Variants in DTNB observed in about 807,000 individuals in gnomAD.
The protein encoded by DTNB is DTN-B.
DTNB carries 63 observed loss-of-function variants against 90.7 expected under a neutral mutation model. That is an observed-to-expected ratio of 0.69 (90% CI 0.57 to 0.86). DTNB has a LOEUF of 0.86. DTNB is among the 40% of genes least tolerant of loss of function. DTNB has a pLI of 0.00. For missense variants in DTNB, 744 were observed against 807.1 expected, an observed-to-expected ratio of 0.92 and a Z score of 0.95; for synonymous variants, 277 against 286.7, an observed-to-expected ratio of 0.97 and a Z score of 0.34.
chr2:25,378,586 AGGAGG>A (rs2036565213), intron 20 of DTNB, among the ~76,000 whole-genome samples: 1 of 140,442 alleles, frequency 7.1e-6, no homozygotes, highest in Non-Finnish European at 1.5e-5. Context: ...GGGGGGTGGG[AGGAGG>A]GGAGGGAAGA....
chr2:25,585,435 GTT>G (rs2062209472), intron 6 of DTNB, among the ~76,000 whole-genome samples: 1 of 152,000 alleles, frequency 6.6e-6, no homozygotes, highest in African/African-American at 2.4e-5. Context: ...AGAAACAAGC[GTT>G]TGTTTGTTGC....
At chr2:25,406,636 TACA>T (rs1438434363) in intron 16 of DTNB, among the ~76,000 whole-genome samples, 3 of 151,898 alleles carry the variant, frequency 2.0e-5, no homozygotes, top group Middle Eastern at 3.4e-3. Flanking sequence ...CTATAACACA[TACA>T]ACAACTACTT....
intron 8 of DTNB, among the ~76,000 whole-genome samples, chr2:25,573,987 C>T (rs1043027260): frequency 2.0e-5 from 3 of 152,166 alleles, no homozygotes; most frequent in Admixed American, 2.0e-4. Context: ...GACGTTCTTT[C>T]CACCAAGATA....
At chr2:25,379,346 A>C (rs754471327) in intron 19 of DTNB, 23 bp from the exon 20 acceptor site, 1 of 1,313,642 alleles carries the variant, frequency 7.6e-7, no homozygotes, top group Admixed American at 3.1e-5. Context: ...GGGCAGAAAC[A>C]ACACACTGAG....
At chr2:25,414,674 C>G (rs966350270) in intron 16 of DTNB, among the ~76,000 whole-genome samples, 1 of 152,086 alleles carries the variant, frequency 6.6e-6, no homozygotes, top group African/African-American at 2.4e-5. Context: ...ATAATTAATA[C>G]AATTATTAAT....
chr2:25,519,991 C>T lies in DTNB; in HGVS notation c.1001+11482G>A, dbSNP rs149945150. ...TACTGTGGAAGACAGTGTTTCAACC[C>T]AGACTAACTTATCAATATTATGAAT... is the stretch of plus-strand genomic sequence containing the variant. On this transcript the variant is annotated intron_variant, in intron 9 of 20. Coordinates refer to ENST00000406818, the MANE Select transcript of DTNB (RefSeq NM_021907.5). 4.3e-3 allele frequency among the ~76,000 whole-genome samples: 651 copies of T among 152,222 alleles called. 4 individuals are homozygous for T. Among genetic ancestry groups the T allele is most frequent in the African/African-American group, 0.015 (612 of 41,524 alleles).
rs763841333 is a variant in DTNB, at chr2:25,477,529, T to C, written c.1079+5267A>G. Among the ~76,000 whole-genome samples, 13 of 152,350 alleles carry C rather than the reference T, an allele frequency of 8.5e-5. No homozygotes were observed. The East Asian group carries it at 1.9e-3, about 23-fold the overall frequency. On this transcript the variant is annotated intron_variant, in intron 10 of 20. Transcript: ENST00000406818. ...TAGCAATTAGGACTACTCAGGATTATAGGCTCTAATATTTACCATTTCCCA... is the reference window on the plus strand; with the variant it reads ...TAGCAATTAGGACTACTCAGGATTACAGGCTCTAATATTTACCATTTCCCA...
chr2:25,603,189 G>A (rs1227483928), intron 5 of DTNB, among the ~76,000 whole-genome samples: 2 of 152,032 alleles, frequency 1.3e-5, no homozygotes, highest in East Asian at 1.9e-4. Context: ...AAATTTCTTC[G>A]AAAACAAATA....
intron 3 of DTNB, among the ~76,000 whole-genome samples, chr2:25,634,350 C>G (rs1329636865): frequency 1.7e-5 from 2 of 120,578 alleles, no homozygotes; most frequent in Admixed American, 1.6e-4. Flanking sequence ...GTCAGCCCCC[C>G]GCCCGGCCAG....
intron 8 of DTNB, among the ~76,000 whole-genome samples, chr2:25,533,865 C>T (rs2078767288): frequency 6.6e-6 from 1 of 152,158 alleles, no homozygotes; most frequent in African/African-American, 2.4e-5. Flanking sequence ...TCCAGGCTAC[C>T]CATTTACCTG....
In DTNB at chr2:25,529,817, T is replaced by C. The variant is rs1233602534; in HGVS notation, c.1001+1656A>G. 2.0e-5 allele frequency among the ~76,000 whole-genome samples: 3 copies of C among 152,214 alleles called. No homozygotes were observed. The South Asian group carries it at 6.2e-4, about 32-fold the overall frequency. ...TGTAAATGCCATTATTTGGCTTTAT[T>C]AGATTTAACCCTTGATCAATCTCAG... On this transcript the variant is annotated intron_variant, in intron 9 of 20. Coordinates refer to ENST00000406818, the MANE Select transcript of DTNB (RefSeq NM_021907.5).
At chr2:25,564,781 G>C (rs2058768419) in intron 8 of DTNB, among the ~76,000 whole-genome samples, 1 of 152,142 alleles carries the variant, frequency 6.6e-6, no homozygotes, top group African/African-American at 2.4e-5. Flanking sequence ...TGATGCTACT[G>C]TAAATGAACC....
intron 9 of DTNB, among the ~76,000 whole-genome samples, chr2:25,505,381 T>C (rs1284124540): frequency 6.6e-6 from 1 of 152,172 alleles, no homozygotes; most frequent in Non-Finnish European, 1.5e-5. Flanking sequence ...CTGAACTTGA[T>C]GACGTGTTAG....
chr2:25,652,278 C>T (rs2081092943), intron 2 of DTNB, among the ~76,000 whole-genome samples: 1 of 152,104 alleles, frequency 6.6e-6, no homozygotes, highest in South Asian at 2.1e-4. Flanking sequence ...CATTAGTCAC[C>T]ACCTGCAAAG....
chr2:25,612,476 AAAG>A (rs1444513760), intron 4 of DTNB, among the ~76,000 whole-genome samples: 3 of 152,284 alleles, frequency 2.0e-5, no homozygotes, highest in Non-Finnish European at 2.9e-5. Context: ...TTATACTAGA[AAAG>A]AAGAAGGTTC....
At chr2:25,427,210 C>T in intron 15 of DTNB, among the ~76,000 whole-genome samples, 1 of 151,868 alleles carries the variant, frequency 6.6e-6, no homozygotes, top group Non-Finnish European at 1.5e-5. Context: ...CACACACACA[C>T]ACACACACAC....
intron 9 of DTNB, among the ~76,000 whole-genome samples, chr2:25,491,184 G>A (rs1307046380): frequency 6.6e-6 from 1 of 151,810 alleles, no homozygotes; most frequent in East Asian, 1.9e-4. Flanking sequence ...GAGAGAGAGA[G>A]GGAGGAAGAG....
In DTNB at chr2:25,432,993, G is replaced by C. The variant is rs773380404; in HGVS notation, c.1350C>G (p.Ile450Met). Residue 450 changes from isoleucine to methionine, a missense_variant, in exon 14 of 21, where the codon ATC (isoleucine) becomes ATG (methionine). Ile to Met is a conservative substitution (Grantham distance 10, BLOSUM62 1). Coordinates refer to ENST00000406818, the MANE Select transcript of DTNB (RefSeq NM_021907.5). Reference protein sequence around the residue: ...IAELENKNREILQEIQRLRLE... With the variant: ...IAELENKNREMLQEIQRLRLE... ...GGCGGAGACGCTGAATCTCCTGCAG[G>C]ATCTCTCTAGAGAGGATGGGTGAAC... The C allele has an allele frequency of 3.1e-6, 5 of 1,604,046 alleles. No homozygotes were observed. Among genetic ancestry groups the C allele is most frequent in the Non-Finnish European group, 4.2e-6 (5 of 1,176,632 alleles).
intron 1 of DTNB, 94 bp from the exon 2 acceptor site, chr2:25,652,755 G>C (rs555541832): frequency 1.5e-6 from 2 of 1,299,654 alleles, no homozygotes; most frequent in Non-Finnish European, 2.1e-6. Flanking sequence ...CGGAAACCAA[G>C]TTGCAAATGC....
Sources: gnomAD v4.1 joint callset for allele counts (sites outside exome capture counted in the v4.1 genomes callset) on GRCh38, gnomAD v4.1.1 for gene constraint, MANE v1.5 for transcripts, NCBI Gene and HGNC (gene_info 2026-07-23, HGNC 2026-07-21) for gene names.